The following FAM227A variants were observed in gnomAD, a reference collection of about 807,000 sequenced individuals.
FAM227A encodes the protein protein FAM227A.
In FAM227A, 80 loss-of-function variants were observed where a neutral mutation model predicts 74.7. That is an observed-to-expected ratio of 1.07 (90% CI 0.89 to 1.29). FAM227A has a LOEUF of 1.29. Among genes scored for constraint, FAM227A ranks in the 50% most tolerant of loss-of-function variants. FAM227A has a pLI of 0.00. For missense variants in FAM227A, 654 were observed against 683.4 expected (o/e 0.96, Z 0.48); for synonymous variants, 237 against 241.8 (o/e 0.98, Z 0.19).
intron 11 of FAM227A, chr22:38,618,352 T>C (rs1342731467): frequency 1.3e-5 from 2 of 152,218 alleles, no homozygotes; most frequent in East Asian, 3.8e-4. Context: ...AGAAATCTTA[T>C]TGAAAGAATC....
At chr22:38,655,550 A>G (rs1220960015) in intron 1 of FAM227A, among the ~76,000 whole-genome samples, 5 of 152,194 alleles carry the variant, frequency 3.3e-5, no homozygotes. Flanking sequence ...AAATGGAAGC[A>G]GTGCAAATTT....
chr22:38,652,510 C>T (rs760580872), intron 1 of FAM227A, among the ~76,000 whole-genome samples: 8 of 151,244 alleles, frequency 5.3e-5, no homozygotes, highest in East Asian at 3.9e-4. Context: ...ATGGCGTGAA[C>T]CCAGGAGGCG....
At chr22:38,654,846 G>A (rs1439796310) in intron 1 of FAM227A, among the ~76,000 whole-genome samples, 1 of 151,464 alleles carries the variant, frequency 6.6e-6, no homozygotes, top group Non-Finnish European at 1.5e-5. Context: ...TATTCGAGAG[G>A]CTGAGGCAGG....
intron 5 of FAM227A, among the ~76,000 whole-genome samples, chr22:38,637,672 G>A (rs1234290718): frequency 6.6e-6 from 1 of 152,232 alleles, no homozygotes; most frequent in South Asian, 2.1e-4. Context: ...TGTGCTGGCT[G>A]TGCCACCTTT....
intron 1 of FAM227A, among the ~76,000 whole-genome samples, chr22:38,655,428 G>C (rs1253071566): frequency 6.6e-6 from 1 of 151,356 alleles, no homozygotes; most frequent in Non-Finnish European, 1.5e-5. Context: ...CTACTTGGGA[G>C]GTGAACACAG....
chr22:38,645,739 C>T (rs2092224391), intron 2 of FAM227A, 94 bp from the exon 3 acceptor site: 1 of 695,110 alleles, frequency 1.4e-6, no homozygotes, highest in Non-Finnish European at 2.5e-6. Context: ...CCTGTCTGCA[C>T]AGCCTCTCTC....
chr22:38,595,661 T>G (rs930255841), intron 15 of FAM227A, among the ~76,000 whole-genome samples: 2 of 152,190 alleles, frequency 1.3e-5, no homozygotes. Context: ...GCTCTTACAA[T>G]GCAGAGATCT....
chr22:38,646,248 C>CTTTTTTTTTTTTTTTTTTT (rs1165890437), intron 2 of FAM227A, among the ~76,000 whole-genome samples: 1 of 82,394 alleles, frequency 1.2e-5, no homozygotes, highest in Non-Finnish European at 2.2e-5. Context: ...TCCAGTATTT[C>CTTTTTTTTTTTTTTTTTTT]TTTTTTTTTT....
At position 38,650,073 on chromosome 22, in the gene FAM227A, A is replaced by G. The variant is rs2092302272; in HGVS notation, c.96T>C (p.Asn32=). The stretch of plus-strand genomic sequence containing the variant: ...CCTTCCTCACAGTCTTCACCATTGT[A>G]TTCCGTGCGACAAGCGAGACAGCCA... ...EHLAVSLVAR[N]TMVKTVRKEL... The change falls in exon 2 of 17, where the codon AAT becomes AAC. Residue 32 remains asparagine (N), a synonymous_variant. Coordinates refer to ENST00000535113, the MANE Select transcript of FAM227A (RefSeq NM_001013647.2). 1 of 1,552,076 alleles carries G rather than the reference A, an allele frequency of 6.4e-7. No individual in the cohort carries two copies. Among genetic ancestry groups the G allele is most frequent in the South Asian group, 1.2e-5 (1 of 84,050 alleles).
rs1016206833 is a variant in FAM227A, at chr22:38,583,589, A to C, written c.*2536T>G. ...AATTATCTCATCTAATCCTCACAACAACCCTCCTAGGCAGGCATTCCCTTT... is the reference window on the plus strand; with the variant it reads ...AATTATCTCATCTAATCCTCACAACCACCCTCCTAGGCAGGCATTCCCTTT... On this transcript the variant is annotated 3_prime_UTR_variant, in exon 17 of 17. Transcript: ENST00000535113. 1 of 152,408 alleles carries C rather than the reference A, an allele frequency of 6.6e-6. No individual in the cohort carries two copies. The highest frequency in any genetic ancestry group is 2.4e-5 in the African/African-American group (1 of 41,436). 9.4% of individuals were successfully genotyped at this position (152,408 alleles called of 1,614,324 possible). A position where few individuals can be genotyped will look rare whatever the true frequency, so the allele number is the denominator to read the frequency against.
At chr22:38,624,526 T>G (rs2091757105) in intron 9 of FAM227A, among the ~76,000 whole-genome samples, 1 of 152,236 alleles carries the variant, frequency 6.6e-6, no homozygotes, top group Non-Finnish European at 1.5e-5. Context: ...TTTCTTCCAC[T>G]AATATAAAAC....
chr22:38,613,254 CATATA>C (rs2091478214), intron 11 of FAM227A, among the ~76,000 whole-genome samples: 1 of 67,684 alleles, frequency 1.5e-5, no homozygotes, highest in African/African-American at 6.5e-5. Flanking sequence ...TAATATATAA[CATATA>C]TTATAACATA....
chr22:38,579,932 T>C lies in FAM227A; in HGVS notation c.*6193A>G, dbSNP rs2090691931. 1 of 152,082 alleles carries C rather than the reference T, an allele frequency of 6.6e-6. No homozygotes were observed. Among genetic ancestry groups the C allele is most frequent in the South Asian group, 2.1e-4 (1 of 4,822 alleles). The allele number at this position is 152,082 out of a possible 1,614,324, so 9.4% of individuals were successfully genotyped here. A position where few individuals can be genotyped will look rare whatever the true frequency, so the allele number is the denominator to read the frequency against. ...ATTGATTGATGTCTTTTTTTTTTCT[T>C]TTTAGAGATGTGGTCTCATTCTGTC... On this transcript the variant is annotated 3_prime_UTR_variant, in exon 17 of 17. Coordinates refer to ENST00000535113, the MANE Select transcript of FAM227A (RefSeq NM_001013647.2).
Position 38,650,224 on chromosome 22 carries a change from A to G in FAM227A, c.-56T>C, listed in dbSNP as rs757236017. On this transcript the variant is annotated 5_prime_UTR_variant, in exon 2 of 17. It removes an upstream start codon present in the reference 5' UTR. Coordinates refer to ENST00000535113, the MANE Select transcript of FAM227A (RefSeq NM_001013647.2). ...AAGCTTCCACTTTTAAGAGCCTCTC[A>G]TTTCCCACTCCAATCTTGTCGTTTG... 9.9e-6 allele frequency: 15 copies of G among 1,507,786 alleles called. No homozygotes were observed. Among genetic ancestry groups the G allele is most frequent in the Admixed American group, 7.9e-5 (4 of 50,340 alleles). The allele number at this position is 1,507,786 out of a possible 1,614,324, so 93.4% of individuals were successfully genotyped here.
In FAM227A at chr22:38,616,315, G is replaced by A. The variant is rs760812529; in HGVS notation, c.1038+3897C>T. 7.9e-5 allele frequency among the ~76,000 whole-genome samples: 12 copies of A among 152,170 alleles called. No individual in the cohort carries two copies. The South Asian group carries it at 8.3e-4, about 11-fold the overall frequency. ...GGCAAGAGCAGCTGCAGTGGCTGCCGGGGGCAGGAACCTGACAGGAGTAGC... is the reference window on the plus strand; with the variant it reads ...GGCAAGAGCAGCTGCAGTGGCTGCCAGGGGCAGGAACCTGACAGGAGTAGC... On this transcript the variant is annotated intron_variant, in intron 11 of 16. Transcript: ENST00000535113.
Position 38,645,660 on chromosome 22 carries a change from T to C in FAM227A, c.143-15A>G, listed in dbSNP as rs962411375. The C allele has an allele frequency of 1.3e-6, 2 of 1,534,650 alleles. No homozygotes were observed. Among genetic ancestry groups the C allele is most frequent in the Admixed American group, 2.0e-5 (1 of 50,404 alleles). On this transcript the variant is annotated splice_polypyrimidine_tract_variant and intron_variant, in intron 2 of 16. Transcript: ENST00000535113. ...AATAAGGCATGCTGGGAGGTTAGTCTGCTAAGGAAACTCAGGGTGATGATT... is the reference window on the plus strand; with the variant it reads ...AATAAGGCATGCTGGGAGGTTAGTCCGCTAAGGAAACTCAGGGTGATGATT...
In FAM227A at chr22:38,598,218, T is replaced by C. The variant is rs2091092525; in HGVS notation, c.1380-862A>G. Among the ~76,000 whole-genome samples, 3 of 152,196 alleles carry C rather than the reference T, an allele frequency of 2.0e-5. No individual in the cohort carries two copies. The South Asian group carries it at 6.2e-4, about 31-fold the overall frequency. ...AAAACAGAGATAATAATGCCCACTT[T>C]AGATGATGTTAATCATAATCCTGGT... On this transcript the variant is annotated intron_variant, in intron 14 of 16. Coordinates refer to ENST00000535113, the MANE Select transcript of FAM227A (RefSeq NM_001013647.2).
intron 2 of FAM227A, among the ~76,000 whole-genome samples, chr22:38,647,774 T>C (rs2092264507): frequency 6.6e-6 from 1 of 152,210 alleles, no homozygotes; most frequent in Admixed American, 6.5e-5. Context: ...CTTACTTTCA[T>C]TACCCTCAAG....
chr22:38,607,176 CA>C (rs528873313), intron 12 of FAM227A, among the ~76,000 whole-genome samples: 2,886 of 55,682 alleles, frequency 0.052, 22 homozygotes, highest in African/African-American at 0.088. Context: ...GACTTCATCT[CA>C]AAAAAAAAAA....
Sources: allele counts gnomAD v4.1 joint callset (sites outside exome capture counted in the v4.1 genomes callset), GRCh38; gene constraint gnomAD v4.1.1; transcripts MANE v1.5; gene names NCBI Gene and HGNC (gene_info 2026-07-23, HGNC 2026-07-21).